Variants in GOSR1 observed in about 807,000 individuals in gnomAD.
GOSR1 encodes the protein golgi SNAP receptor complex member 1.
A neutral mutation model predicts 35.5 loss-of-function variants in GOSR1; 21 were observed. The ratio of observed to expected loss-of-function variants is 0.59; its 90% CI spans 0.42 to 0.85. The LOEUF (loss-of-function observed/expected upper bound fraction) is 0.85. Ranked by LOEUF, GOSR1 falls within the 40% of genes least tolerant of loss-of-function variation. The pLI is 0.00. For missense variants in GOSR1, 285 were observed against 309.6 expected (o/e 0.92, Z 0.60); for synonymous variants, 94 against 106.6 (o/e 0.88, Z 0.73).
intron 6 of GOSR1, among the ~76,000 whole-genome samples, chr17:30,502,717 A>G (rs1178554819): frequency 2.6e-5 from 4 of 152,252 alleles, no homozygotes; most frequent in African/African-American, 4.8e-5. Flanking sequence ...TTATGCCACC[A>G]TATCAGTGTT....
chr17:30,487,204 A>C (rs765943473), intron 4 of GOSR1, among the ~76,000 whole-genome samples: 1 of 152,224 alleles, frequency 6.6e-6, no homozygotes, highest in Non-Finnish European at 1.5e-5. Context: ...GTTTAAAATC[A>C]GTGGGGCAAA....
intron 6 of GOSR1, among the ~76,000 whole-genome samples, chr17:30,503,286 T>A (rs1329029960): frequency 6.6e-6 from 1 of 152,246 alleles, no homozygotes; most frequent in African/African-American, 2.4e-5. Flanking sequence ...TAAGTTATTT[T>A]TTAAAAAGAG....
intron 6 of GOSR1, among the ~76,000 whole-genome samples, chr17:30,506,179 G>C (rs770901726): frequency 1.4e-4 from 21 of 152,182 alleles, no homozygotes; most frequent in Non-Finnish European, 2.8e-4. Context: ...GAAAGGAAGA[G>C]TTGCACAACT....
chr17:30,481,804 G>A (rs950087996), intron 2 of GOSR1, among the ~76,000 whole-genome samples: 86 of 152,054 alleles, frequency 5.7e-4, no homozygotes, highest in African/African-American at 2.0e-3. Context: ...TGAAGCTTAT[G>A]CTCTCTGTAA....
At chr17:30,486,125 A>C (rs1215271037) in intron 4 of GOSR1, among the ~76,000 whole-genome samples, 1 of 152,104 alleles carries the variant, frequency 6.6e-6, no homozygotes, top group East Asian at 1.9e-4. Context: ...CAATAAAAAC[A>C]TTCCCATTGT....
intron 8 of GOSR1, among the ~76,000 whole-genome samples, chr17:30,520,592 A>G (rs1967991225): frequency 1.3e-5 from 2 of 152,166 alleles, no homozygotes. Flanking sequence ...TACTTCCCAG[A>G]AACCCACTAG....
rs1266530191 is a variant in GOSR1 at position 30,490,281 on chromosome 17, C to T, written c.434+64C>T. The T allele has an allele frequency of 7.8e-6, 6 of 766,714 alleles. No individual in the cohort carries two copies. In the South Asian group the frequency reaches 8.0e-5, roughly 10 times the overall value. The allele number at this position is 766,714 out of a possible 1,614,324, so 47.5% of individuals were successfully genotyped here. A position where few individuals can be genotyped will look rare whatever the true frequency, so the allele number is the denominator to read the frequency against. On this transcript the variant is annotated intron_variant, in intron 5 of 8. Coordinates refer to ENST00000451249, the MANE Select transcript of GOSR1 (RefSeq NM_001007025.2). ...CAGATTTGGCTTTAGGATATGTTCA[C>T]GGTTAATTGCAAATTGAGTGGCAGA... is the stretch of plus-strand genomic sequence containing the variant.
rs1968072911 is a variant in GOSR1, at chr17:30,522,444, C to T, written c.*66C>T. ...ACCCTGGTCTGGAATAAGGAAACAT[C>T]GGAGGGAGAAGTTGACTGTCTTGAT... is the stretch of plus-strand genomic sequence containing the variant. On this transcript the variant is annotated 3_prime_UTR_variant, in exon 9 of 9. Transcript: ENST00000451249. 1.4e-5 allele frequency: 19 copies of T among 1,343,624 alleles called. No individual in the cohort carries two copies. Among genetic ancestry groups the T allele is most frequent in the Admixed American group, 4.7e-5 (2 of 42,510 alleles). 83.2% of individuals were successfully genotyped at this position (1,343,624 alleles called of 1,614,324 possible).
chr17:30,521,472 C>A (rs888962032), intron 8 of GOSR1, among the ~76,000 whole-genome samples: 2 of 151,764 alleles, frequency 1.3e-5, no homozygotes, highest in African/African-American at 4.8e-5. Context: ...TGTGAGCCAC[C>A]CTGCCCAGCC....
intron 6 of GOSR1, chr17:30,495,390 T>G (rs1182419004): frequency 8.8e-6 from 4 of 452,416 alleles, no homozygotes; most frequent in Non-Finnish European, 1.8e-5. Flanking sequence ...AAAATACGTC[T>G]TCTGTATTTA....
At chr17:30,497,281 G>T (rs899594596) in intron 6 of GOSR1, among the ~76,000 whole-genome samples, 1 of 151,838 alleles carries the variant, frequency 6.6e-6, no homozygotes. Flanking sequence ...TGGTTTCTAG[G>T]GTTAATTTTT....
intron 8 of GOSR1, 126 bp from the exon 9 acceptor site, chr17:30,522,128 G>C: frequency 1.4e-6 from 1 of 734,216 alleles, no homozygotes; most frequent in Non-Finnish European, 2.2e-6. Context: ...TTCCCTTGGT[G>C]TGAGTTTCTT....
chr17:30,498,153 T>C (rs1967069191), intron 6 of GOSR1, among the ~76,000 whole-genome samples: 1 of 152,090 alleles, frequency 6.6e-6, no homozygotes, highest in Admixed American at 6.5e-5. Flanking sequence ...TTTATTCAAA[T>C]CCTTTTTTTT....
At chr17:30,518,749 G>A (rs907946276) in intron 7 of GOSR1, among the ~76,000 whole-genome samples, 2 of 151,872 alleles carry the variant, frequency 1.3e-5, no homozygotes, top group African/African-American at 4.8e-5. Context: ...GGCAACATAG[G>A]GAGACCCCAT....
intron 8 of GOSR1, among the ~76,000 whole-genome samples, chr17:30,521,940 C>G (rs908746298): frequency 2.0e-5 from 3 of 152,214 alleles, no homozygotes; most frequent in African/African-American, 7.2e-5. Context: ...GGCTCCCACC[C>G]TGACCTGAAG....
chr17:30,508,639 A>C (rs1458598611), intron 6 of GOSR1, among the ~76,000 whole-genome samples: 1 of 152,226 alleles, frequency 6.6e-6, no homozygotes, highest in Non-Finnish European at 1.5e-5. Flanking sequence ...TAATAATCAT[A>C]GATTTCATCA....
intron 1 of GOSR1, chr17:30,477,948 A>G: frequency 1.0e-6 from 1 of 984,858 alleles, no homozygotes; most frequent in Non-Finnish European, 1.2e-6. Flanking sequence ...GTATGAAGAG[A>G]ATAGGAGACA....
chr17:30,522,467 G>A lies in GOSR1; in HGVS notation c.*89G>A. 1 of 1,099,706 alleles carries A rather than the reference G, an allele frequency of 9.1e-7. No individual in the cohort carries two copies. The allele number at this position is 1,099,706 out of a possible 1,614,324, so 68.1% of individuals were successfully genotyped here. On this transcript the variant is annotated 3_prime_UTR_variant, in exon 9 of 9. Coordinates refer to ENST00000451249, the MANE Select transcript of GOSR1 (RefSeq NM_001007025.2). ...ATCGGAGGGAGAAGTTGACTGTCTT[G>A]ATAATTAGCCTGACCAGCAGGATGA...
intron 5 of GOSR1, among the ~76,000 whole-genome samples, chr17:30,491,401 G>A (rs1915034328): frequency 6.6e-6 from 1 of 152,224 alleles, no homozygotes; most frequent in Non-Finnish European, 1.5e-5. Context: ...GCTCCCGCCT[G>A]TAATCCCAGC....
Sources: allele counts gnomAD v4.1 joint callset (sites outside exome capture counted in the v4.1 genomes callset), GRCh38; gene constraint gnomAD v4.1.1; transcripts MANE v1.5; gene names NCBI Gene and HGNC (gene_info 2026-07-23, HGNC 2026-07-21).